ADGRL3: variants seen among roughly 807,000 people sequenced by gnomAD.
ADGRL3 encodes the protein calcium-independent alpha-latrotoxin receptor 3.
Under a neutral mutation model 153.5 loss-of-function variants are expected in ADGRL3, and 62 were observed. The observed-to-expected ratio is 0.40, with a 90% CI of 0.33 to 0.50. The LOEUF is 0.50. ADGRL3 is among the 20% of genes least tolerant of loss of function. The probability of loss-of-function intolerance (pLI) is 0.47; values close to 1 mark genes in which losing one functional copy is unlikely to be tolerated. For synonymous variants in ADGRL3, 710 were observed against 672.5 expected, an observed-to-expected ratio of 1.06 and a Z score of -0.86; for missense variants, 1,641 against 1,859.4, an observed-to-expected ratio of 0.88 and a Z score of 2.16.
chr4:62,028,570 T>C (rs1411562562), intron 21 of ADGRL3, among the ~76,000 whole-genome samples: 4 of 151,778 alleles, frequency 2.6e-5, no homozygotes, highest in East Asian at 1.9e-4. Flanking sequence ...CTCTAAGAAA[T>C]AAATGTCTCT....
At chr4:61,381,377 T>C (rs1043945180) in intron 1 of ADGRL3, among the ~76,000 whole-genome samples, 1 of 150,980 alleles carries the variant, frequency 6.6e-6, no homozygotes, top group African/African-American at 2.4e-5. Context: ...AGTCAGCATT[T>C]CATGGCGCGG....
At chr4:61,823,651 T>G (rs571133471) in intron 9 of ADGRL3, among the ~76,000 whole-genome samples, 1 of 152,312 alleles carries the variant, frequency 6.6e-6, no homozygotes, top group African/African-American at 2.4e-5. Flanking sequence ...GTAAGACAGA[T>G]AATACTAAGC....
intron 2 of ADGRL3, chr4:61,385,394 C>G (rs1257328379): frequency 2.0e-5 from 3 of 152,346 alleles, no homozygotes; most frequent in Non-Finnish European, 4.4e-5. Flanking sequence ...TGTCTCACCA[C>G]ATATGTAATC....
chr4:61,862,315 AC>A, intron 9 of ADGRL3, among the ~76,000 whole-genome samples: 1 of 152,104 alleles, frequency 6.6e-6, no homozygotes, highest in Non-Finnish European at 1.5e-5. Context: ...TACAGTCTGC[AC>A]CCCAGATGAG....
At chr4:61,539,813 C>G (rs138676557) in intron 4 of ADGRL3, among the ~76,000 whole-genome samples, 128 of 152,214 alleles carry the variant, frequency 8.4e-4, no homozygotes, top group African/African-American at 2.9e-3. Flanking sequence ...GAAGCACCCC[C>G]ACCTACCCTT....
At chr4:61,995,065 A>ACCATG in intron 19 of ADGRL3, among the ~76,000 whole-genome samples, 1 of 151,936 alleles carries the variant, frequency 6.6e-6, no homozygotes, top group African/African-American at 2.4e-5. Flanking sequence ...GGGGCACACC[A>ACCATG]CCATGCCTAG....
chr4:61,912,116 G>C (rs1358213406), intron 12 of ADGRL3, among the ~76,000 whole-genome samples: 2 of 152,052 alleles, frequency 1.3e-5, no homozygotes, highest in Admixed American at 6.6e-5. Context: ...AGAAATAAAA[G>C]CAGTGATTAA....
In ADGRL3 at chr4:61,505,948, T is replaced by C. The variant is rs1033593925; in HGVS notation, c.55+8600T>C. On this transcript the variant is annotated intron_variant, in intron 3 of 26. Coordinates refer to ENST00000683033, the MANE Select transcript of ADGRL3 (RefSeq NM_001387552.1). ...TGTAGTTTTCAGGAACTATAGAAGA[T>C]GATGTCACCATATTTAGGAAGCATT... Among the ~76,000 whole-genome samples, 5 of 152,236 alleles carry C rather than the reference T, an allele frequency of 3.3e-5. No homozygotes were observed. In the East Asian group the frequency reaches 9.7e-4, roughly 29 times the overall value.
Position 61,340,019 on chromosome 4 carries a change from C to T in ADGRL3, c.-239-43105C>T, listed in dbSNP as rs549209628. On this transcript the variant is annotated intron_variant, in intron 1 of 26. Transcript: ENST00000683033. The stretch of plus-strand genomic sequence containing the variant: ...ATAAATCCTTGTTAACTGGCCCTGG[C>T]GGCTGTGTAAAGAGTGTGAAGTTGA... Among the ~76,000 whole-genome samples the T allele has an allele frequency of 4.6e-5, 7 of 152,260 alleles. No individual in the cohort carries two copies. In the South Asian group the frequency reaches 6.2e-4, roughly 14 times the overall value.
At chr4:61,456,084 A>G (rs986039418) in intron 2 of ADGRL3, among the ~76,000 whole-genome samples, 69 of 151,980 alleles carry the variant, frequency 4.5e-4, no homozygotes, top group African/African-American at 1.6e-3. Context: ...CCAAAGTGGC[A>G]TGAGCCAATA....
chr4:61,800,077 T>A (rs1329229189), intron 8 of ADGRL3, among the ~76,000 whole-genome samples: 1 of 152,178 alleles, frequency 6.6e-6, no homozygotes, highest in Non-Finnish European at 1.5e-5. Flanking sequence ...ACCTCTTGTG[T>A]ACTGGGACAT....
At chr4:61,400,481 A>G (rs1313477532) in intron 2 of ADGRL3, among the ~76,000 whole-genome samples, 1 of 151,852 alleles carries the variant, frequency 6.6e-6, no homozygotes, top group Non-Finnish European at 1.5e-5. Context: ...TAAACCAGGC[A>G]TCTTGTAAAA....
At chr4:61,740,923 C>A (rs1237739494) in intron 8 of ADGRL3, among the ~76,000 whole-genome samples, 1 of 152,138 alleles carries the variant, frequency 6.6e-6, no homozygotes, top group African/African-American at 2.4e-5. Context: ...AACAAAAAGC[C>A]TACACATAAC....
At chr4:61,538,464 A>C (rs930999172) in intron 4 of ADGRL3, among the ~76,000 whole-genome samples, 2 of 151,794 alleles carry the variant, frequency 1.3e-5, no homozygotes, top group African/African-American at 4.8e-5. Flanking sequence ...GTTGAGATGG[A>C]GTTTCGATCT....
At chr4:61,243,291 G>T (rs931789268) in intron 1 of ADGRL3, among the ~76,000 whole-genome samples, 1 of 151,974 alleles carries the variant, frequency 6.6e-6, no homozygotes, top group Admixed American at 6.6e-5. Flanking sequence ...CAGCCAAATG[G>T]TTTTGCAAGT....
chr4:61,408,413 C>G (rs1226160155), intron 2 of ADGRL3, among the ~76,000 whole-genome samples: 1 of 150,114 alleles, frequency 6.7e-6, no homozygotes, highest in Non-Finnish European at 1.5e-5. Flanking sequence ...TAGCTGCTGT[C>G]CTTTTTTTTT....
At chr4:62,019,446 T>TA (rs2099227824) in intron 21 of ADGRL3, among the ~76,000 whole-genome samples, 2 of 152,110 alleles carry the variant, frequency 1.3e-5, no homozygotes, top group Non-Finnish European at 2.9e-5. Flanking sequence ...TCATTTGGCT[T>TA]AGAATATGTT....
At chr4:61,925,817 ATCCAAACTATCTCATGAACTATATGT>A (rs1327516123) in intron 13 of ADGRL3, among the ~76,000 whole-genome samples, 1 of 152,200 alleles carries the variant, frequency 6.6e-6, no homozygotes, top group Non-Finnish European at 1.5e-5. Flanking sequence ...AAGGAAAAAT[ATCCAAACTATCTCATGAACTATATGT>A]GAATATCAGA....
intron 4 of ADGRL3, among the ~76,000 whole-genome samples, chr4:61,562,493 C>A (rs1276358459): frequency 6.6e-6 from 1 of 152,198 alleles, no homozygotes; most frequent in Non-Finnish European, 1.5e-5. Context: ...GCTACCTTAT[C>A]AACTAAGTTT....
Sources: allele counts gnomAD v4.1 joint callset (sites outside exome capture counted in the v4.1 genomes callset), GRCh38; gene constraint gnomAD v4.1.1; transcripts MANE v1.5; gene names NCBI Gene and HGNC (gene_info 2026-07-23, HGNC 2026-07-21).